Variants in DNAI4 observed in about 807,000 individuals in gnomAD.
DNAI4 encodes the protein dynein axonemal intermediate chain 4, also known as WD repeat domain 78.
DNAI4 carries 85 observed loss-of-function variants against 105.8 expected under a neutral mutation model. The ratio of observed to expected loss-of-function variants is 0.80; its 90% CI spans 0.67 to 0.96. The LOEUF (loss-of-function observed/expected upper bound fraction) is 0.96. Among genes scored for constraint, DNAI4 ranks in the 40% least tolerant of loss-of-function variants. The pLI, the probability that DNAI4 is intolerant of heterozygous loss-of-function variation, is 0.00. For synonymous variants in DNAI4, 352 were observed against 331.5 expected (o/e 1.06, Z -0.67); for missense variants, 1,014 against 1,005.6 (o/e 1.01, Z -0.11).
intron 7 of DNAI4, among the ~76,000 whole-genome samples, chr1:66,851,303 T>C (rs1308171394): frequency 6.6e-6 from 1 of 151,684 alleles, no homozygotes; most frequent in Non-Finnish European, 1.5e-5. Context: ...TAATTAATGT[T>C]TATGCAAAAA....
intron 4 of DNAI4, among the ~76,000 whole-genome samples, chr1:66,883,457 T>C (rs545944984): frequency 6.6e-6 from 1 of 152,188 alleles, no homozygotes; most frequent in African/African-American, 2.4e-5. Flanking sequence ...TTTGGTTTTT[T>C]AGTATATACG....
intron 1 of DNAI4, among the ~76,000 whole-genome samples, chr1:66,921,843 T>C (rs1400549144): frequency 6.6e-6 from 1 of 151,986 alleles, no homozygotes; most frequent in African/African-American, 2.4e-5. Flanking sequence ...TTTGGAGTAC[T>C]ATCCTTAGGT....
intron 7 of DNAI4, among the ~76,000 whole-genome samples, chr1:66,855,785 A>T (rs764582611): frequency 1.2e-4 from 19 of 152,224 alleles, no homozygotes; most frequent in Non-Finnish European, 2.5e-4. Flanking sequence ...TATATCAGTA[A>T]TTAACAGATC....
At chr1:66,875,551 C>T (rs552046402) in intron 4 of DNAI4, among the ~76,000 whole-genome samples, 76 of 152,166 alleles carry the variant, frequency 5.0e-4, no homozygotes, top group African/African-American at 1.8e-3. Context: ...GATCCAAGGT[C>T]CTTGGAAAAT....
chr1:66,893,475 T>A, intron 2 of DNAI4, 62 bp from the exon 3 acceptor site: 1 of 1,178,214 alleles, frequency 8.5e-7, no homozygotes, highest in Non-Finnish European at 1.1e-6. Flanking sequence ...AAATAACAGC[T>A]GCTAGAAAAT....
At chr1:66,887,544 G>A (rs755809008) in intron 4 of DNAI4, among the ~76,000 whole-genome samples, 1 of 151,854 alleles carries the variant, frequency 6.6e-6, no homozygotes, top group South Asian at 2.1e-4. Context: ...GCTAATTTCA[G>A]GAATTTTGTG....
Position 66,813,866 on chromosome 1 carries a change from T to C in DNAI4, c.*264A>G, listed in dbSNP as rs1645459659. The C allele has an allele frequency of 6.1e-6, 2 of 328,730 alleles. No homozygotes were observed. The highest frequency in any genetic ancestry group is 1.4e-4 in the South Asian group (2 of 14,460). The allele number at this position is 328,730 out of a possible 1,614,324, so 20.4% of individuals were successfully genotyped here. ...TTGTATAAGAATGTACATGTACTCA[T>C]ATGTACTTAGAATATGATCAAGAGA... On this transcript the variant is annotated 3_prime_UTR_variant, in exon 17 of 17. Transcript: ENST00000371026.
chr1:66,889,208 T>G (rs988473148), intron 4 of DNAI4, among the ~76,000 whole-genome samples: 1 of 152,152 alleles, frequency 6.6e-6, no homozygotes, highest in African/African-American at 2.4e-5. Flanking sequence ...CTTTTAAAGC[T>G]AAGGGTGGTC....
intron 6 of DNAI4, among the ~76,000 whole-genome samples, chr1:66,864,949 A>C (rs900240781): frequency 2.6e-5 from 4 of 152,188 alleles, no homozygotes; most frequent in African/African-American, 9.6e-5. Context: ...GGGGGCTTCT[A>C]ATCAACTGGG....
At position 66,840,558 on chromosome 1, in the gene DNAI4, G is replaced by A. The variant is rs767450016; in HGVS notation, c.1405C>T (p.Pro469Ser). ...GACCAAAGTCGTTCCAAGTTGGCGGGTATTGTTGATTCTTCTGCATGTATT... is the reference window on the plus strand; with the variant it reads ...GACCAAAGTCGTTCCAAGTTGGCGGATATTGTTGATTCTTCTGCATGTATT... ...EEIHAEESTI[P>S]ANLERLWSFS... Residue 469 changes from proline (P) to serine (S), a missense_variant, in exon 9 of 17, where the codon CCC (proline) becomes TCC (serine). Coordinates refer to ENST00000371026, the MANE Select transcript of DNAI4 (RefSeq NM_024763.5). 5 of 1,614,044 alleles carry A rather than the reference G, an allele frequency of 3.1e-6. No homozygotes were observed. The South Asian group carries it at 3.3e-5, about 11-fold the overall frequency.
chr1:66,821,284 A>C (rs1343450222), intron 16 of DNAI4, among the ~76,000 whole-genome samples: 1 of 151,824 alleles, frequency 6.6e-6, no homozygotes, highest in Non-Finnish European at 1.5e-5. Flanking sequence ...TTTTTAGTAG[A>C]GACAGAGTTT....
intron 1 of DNAI4, among the ~76,000 whole-genome samples, chr1:66,908,969 C>T (rs1483807063): frequency 6.6e-6 from 1 of 152,170 alleles, no homozygotes; most frequent in African/African-American, 2.4e-5. Flanking sequence ...CCTATATTCT[C>T]TATTTTTTTC....
chr1:66,826,730 C>T lies in DNAI4; in HGVS notation c.2339+90G>A, dbSNP rs183554044. On this transcript the variant is annotated intron_variant, in intron 15 of 16. Coordinates refer to ENST00000371026, the MANE Select transcript of DNAI4 (RefSeq NM_024763.5). ...ACTATTACTTCTTTTAAAGTAACTACAATACCCTCTAACTGGTGTCAAAAC... is the reference window on the plus strand; with the variant it reads ...ACTATTACTTCTTTTAAAGTAACTATAATACCCTCTAACTGGTGTCAAAAC... 1,923 of 1,133,992 alleles carry T rather than the reference C, an allele frequency of 1.7e-3. 9 individuals are homozygous for T. The highest frequency in any genetic ancestry group is 2.6e-3 in the Middle Eastern group (12 of 4,618). 70.2% of individuals were successfully genotyped at this position (1,133,992 alleles called of 1,614,324 possible).
chr1:66,906,770 A>G (rs772174895), intron 1 of DNAI4, among the ~76,000 whole-genome samples: 35 of 150,574 alleles, frequency 2.3e-4, no homozygotes, highest in Non-Finnish European at 4.7e-4. Context: ...AACCCCCAAC[A>G]TCTCTAAAAA....
At chr1:66,868,899 A>G (rs1485648886) in intron 6 of DNAI4, among the ~76,000 whole-genome samples, 2 of 151,890 alleles carry the variant, frequency 1.3e-5, no homozygotes, top group African/African-American at 4.8e-5. Flanking sequence ...AACACAGTAA[A>G]ATCCCGTCTC....
rs1553227511 is a variant in DNAI4, at chr1:66,892,989, GAA to G, written c.530+238_530+239del. ...AGAAAGAAAGAAAGAAAGAAAGAAA[GAA>G]AGAAAGAGAGAAAGAGAGAGAGGAA... On this transcript the variant is annotated intron_variant, in intron 3 of 16. Transcript: ENST00000371026. Among the ~76,000 whole-genome samples the G allele has an allele frequency of 6.9e-4, 82 of 118,384 alleles. 1 individual carries two copies. The highest frequency in any genetic ancestry group is 2.7e-3 in the African/African-American group (72 of 26,824). The allele number at this position is 118,384 out of a possible 152,430, so 77.7% of individuals were successfully genotyped here. A position where few individuals can be genotyped will look rare whatever the true frequency, so the allele number is the denominator to read the frequency against.
chr1:66,924,775 C>T lies in DNAI4; in HGVS notation c.57G>A (p.Trp19Ter), dbSNP rs772692432. The change falls in exon 1 of 17, where the codon TGG becomes TGA. Residue 19 changes from tryptophan to a stop codon, truncating the protein, a stop_gained. Coordinates refer to ENST00000371026, the MANE Select transcript of DNAI4 (RefSeq NM_024763.5). LOFTEE classifies it high-confidence loss of function. ...GGCCGCCTCTGAAGTCCCTGTACCC[C>T]CAAGCTCCTCCGTTAGCGGCTCGGG... ...ASARAANGGAWGYRDFRGGQK... is the reference protein window; with the variant it reads ...ASARAANGGA 2 of 1,613,946 alleles carry T rather than the reference C, an allele frequency of 1.2e-6. No homozygotes were observed. Among genetic ancestry groups the T allele is most frequent in the South Asian group, 1.1e-5 (1 of 91,086 alleles).
intron 8 of DNAI4, among the ~76,000 whole-genome samples, chr1:66,847,263 A>C (rs902774779): frequency 1.3e-5 from 2 of 152,150 alleles, no homozygotes; most frequent in Non-Finnish European, 2.9e-5. Context: ...TACATTTTAA[A>C]AATTATTTGA....
chr1:66,917,888 T>C (rs999863784), intron 1 of DNAI4, among the ~76,000 whole-genome samples: 2 of 152,230 alleles, frequency 1.3e-5, no homozygotes, highest in Non-Finnish European at 2.9e-5. Context: ...ACGTGACTTA[T>C]GGAACCAATA....
Sources: gnomAD v4.1 joint callset for allele counts (sites outside exome capture counted in the v4.1 genomes callset) on GRCh38, gnomAD v4.1.1 for gene constraint, MANE v1.5 for transcripts, NCBI Gene and HGNC (gene_info 2026-07-23, HGNC 2026-07-21) for gene names.